RBFOX1: variants seen among roughly 807,000 people sequenced by gnomAD.
The protein encoded by RBFOX1 is RNA binding fox-1 homolog 1.
In RBFOX1, 8 loss-of-function variants were observed where a neutral mutation model predicts 57.7. The observed-to-expected ratio is 0.14, with a 90% confidence interval of 0.08 to 0.25. RBFOX1 has a LOEUF of 0.25. Among genes scored for constraint, RBFOX1 ranks in the 10% least tolerant of loss-of-function variants. The probability of loss-of-function intolerance (pLI) is 1.00; values close to 1 mark genes in which losing one functional copy is unlikely to be tolerated. For synonymous variants in RBFOX1, 326 were observed against 222.4 expected (o/e 1.47, Z -4.15); for missense variants, 611 against 548.5 (o/e 1.11, Z -1.14).
chr16:5,791,298 A>G (rs538251444), intron 3 of RBFOX1, among the ~76,000 whole-genome samples: 1 of 152,370 alleles, frequency 6.6e-6, no homozygotes, highest in African/African-American at 2.4e-5. Context: ...GCTCTAACTG[A>G]TAAAAAGATC....
At chr16:6,785,777 C>A (rs2081857728) in intron 3 of RBFOX1, among the ~76,000 whole-genome samples, 1 of 152,046 alleles carries the variant, frequency 6.6e-6, no homozygotes, top group African/African-American at 2.4e-5. Context: ...ATGAGGATAC[C>A]AAACAAATGC....
At chr16:7,366,013 CTG>C (rs1309151273) in intron 4 of RBFOX1, among the ~76,000 whole-genome samples, 1 of 152,160 alleles carries the variant, frequency 6.6e-6, no homozygotes, top group Non-Finnish European at 1.5e-5. Flanking sequence ...CAGAAAGACT[CTG>C]TGTCAGAAAC....
At position 7,401,358 on chromosome 16, in the gene RBFOX1, A is replaced by T. The variant is rs570611434; in HGVS notation, c.28-116789A>T. 3.6e-4 allele frequency among the ~76,000 whole-genome samples: 55 copies of T among 152,318 alleles called. 1 individual carries two copies. Among genetic ancestry groups the T allele is most frequent in the African/African-American group, 1.3e-3 (55 of 41,574 alleles). ...AGGAGGTAAACTTTGTTGAGTATTT[A>T]GCAGTTGTTCCAGACTTTTCTCTGA... is the stretch of plus-strand genomic sequence containing the variant. On this transcript the variant is annotated intron_variant, in intron 4 of 15. Coordinates refer to ENST00000550418, the MANE Select transcript of RBFOX1 (RefSeq NM_018723.4).
chr16:6,732,127 C>T (rs1189921402), intron 3 of RBFOX1, among the ~76,000 whole-genome samples: 1 of 152,138 alleles, frequency 6.6e-6, no homozygotes, highest in Non-Finnish European at 1.5e-5. Flanking sequence ...GATTCTTCTG[C>T]ATAGTTTCTG....
chr16:7,579,413 C>T (rs2093582615), intron 5 of RBFOX1, among the ~76,000 whole-genome samples: 1 of 152,100 alleles, frequency 6.6e-6, no homozygotes. Flanking sequence ...CTCCCCACCT[C>T]CCAACCCCAG....
At chr16:5,842,161 G>C (rs560506590) in intron 3 of RBFOX1, among the ~76,000 whole-genome samples, 183 of 152,288 alleles carry the variant, frequency 1.2e-3, no homozygotes, top group Non-Finnish European at 2.2e-3. Flanking sequence ...GTTTAGACTT[G>C]TTAGAGGGAA....
intron 4 of RBFOX1, among the ~76,000 whole-genome samples, chr16:5,931,654 T>C (rs1398187903): frequency 6.6e-6 from 1 of 152,162 alleles, no homozygotes; most frequent in Non-Finnish European, 1.5e-5. Flanking sequence ...CAGGTCAGGC[T>C]GAAGGAGACT....
Position 6,269,063 on chromosome 16 carries a change from A to C in RBFOX1, c.-126-47932A>C, listed in dbSNP as rs189205871. ...ATATACTTTAAAACATCTTTACATT[A>C]CTTATAATACCTAACATAATATAAA... On this transcript the variant is annotated intron_variant, in intron 1 of 15. Transcript: ENST00000550418. Among the ~76,000 whole-genome samples, 16 of 152,328 alleles carry C rather than the reference A, an allele frequency of 1.1e-4. No individual in the cohort carries two copies. In the East Asian group the frequency reaches 2.7e-3, roughly 26 times the overall value.
At chr16:7,213,193 A>G (rs1330653710) in intron 4 of RBFOX1, among the ~76,000 whole-genome samples, 1 of 152,192 alleles carries the variant, frequency 6.6e-6, no homozygotes, top group Non-Finnish European at 1.5e-5. Flanking sequence ...AGAAATGCAG[A>G]TTACACGGAA....
chr16:7,547,821 T>G (rs1409364081), intron 5 of RBFOX1, among the ~76,000 whole-genome samples: 2 of 152,244 alleles, frequency 1.3e-5, no homozygotes, highest in African/African-American at 4.8e-5. Context: ...GTTTTGTGAT[T>G]AATGAACATG....
At chr16:6,694,760 C>A (rs560803880) in intron 3 of RBFOX1, among the ~76,000 whole-genome samples, 1 of 152,140 alleles carries the variant, frequency 6.6e-6, no homozygotes, top group African/African-American at 2.4e-5. Flanking sequence ...TCCAGCATTG[C>A]CTCTCATTTA....
chr16:7,277,047 C>A (rs2095453891), intron 4 of RBFOX1, among the ~76,000 whole-genome samples: 1 of 152,186 alleles, frequency 6.6e-6, no homozygotes, highest in South Asian at 2.1e-4. Flanking sequence ...GAGAATTTGT[C>A]TGCAGCCCTT....
At chr16:5,590,253 G>C (rs2046964182) in intron 2 of RBFOX1, among the ~76,000 whole-genome samples, 1 of 152,062 alleles carries the variant, frequency 6.6e-6, no homozygotes, top group African/African-American at 2.4e-5. Flanking sequence ...TCCAAAGAGG[G>C]GAAAAAAAAC....
chr16:5,717,349 T>TA (rs552536936), intron 3 of RBFOX1, among the ~76,000 whole-genome samples: 79 of 151,690 alleles, frequency 5.2e-4, no homozygotes, highest in Middle Eastern at 3.4e-3. Context: ...AATACAGATT[T>TA]AAAAAAAAAT....
chr16:5,625,967 C>T (rs12930215), intron 3 of RBFOX1, among the ~76,000 whole-genome samples: 1 of 152,236 alleles, frequency 6.6e-6, no homozygotes, highest in Non-Finnish European at 1.5e-5. Flanking sequence ...CCCTCCGCCT[C>T]CTGGGTTCAA....
intron 7 of RBFOX1, among the ~76,000 whole-genome samples, chr16:7,590,217 T>C (rs1366820636): frequency 6.6e-6 from 1 of 151,816 alleles, no homozygotes; most frequent in Admixed American, 6.6e-5. Context: ...TACTGAGCTA[T>C]GATTGCACCA....
At chr16:7,412,242 C>G (rs576390748) in intron 4 of RBFOX1, among the ~76,000 whole-genome samples, 38 of 151,678 alleles carry the variant, frequency 2.5e-4, no homozygotes, top group South Asian at 6.3e-4. Context: ...TGGTGAAACC[C>G]CATCTCTACT....
intron 3 of RBFOX1, among the ~76,000 whole-genome samples, chr16:6,664,088 T>G (rs112070217): frequency 2.6e-5 from 4 of 152,234 alleles, no homozygotes; most frequent in Non-Finnish European, 5.9e-5. Context: ...CTTTGTCTTA[T>G]AGAGTCTACT....
intron 3 of RBFOX1, among the ~76,000 whole-genome samples, chr16:5,708,002 C>G (rs1319903885): frequency 6.6e-6 from 1 of 152,072 alleles, no homozygotes; most frequent in East Asian, 1.9e-4. Flanking sequence ...GCAGTGTATT[C>G]AAAGGGTTCA....
Sources: gnomAD v4.1 joint callset for allele counts (sites outside exome capture counted in the v4.1 genomes callset) on GRCh38, gnomAD v4.1.1 for gene constraint, MANE v1.5 for transcripts, NCBI Gene and HGNC (gene_info 2026-07-23, HGNC 2026-07-21) for gene names.